SMOC1: variants seen among roughly 807,000 people sequenced by gnomAD.
The protein encoded by SMOC1 is SPARC related modular calcium binding 1.
Under a neutral mutation model 56.3 loss-of-function variants are expected in SMOC1, and 22 were observed. That is an observed-to-expected ratio of 0.39 (90% CI 0.28 to 0.56). The LOEUF (loss-of-function observed/expected upper bound fraction) is 0.56, where lower values mean the gene tolerates loss of function less well. SMOC1 is among the 20% of genes least tolerant of loss of function. SMOC1 has a pLI of 0.61. For missense variants in SMOC1, 509 were observed against 565.4 expected (o/e 0.90, Z 1.01); for synonymous variants, 193 against 215.0 (o/e 0.90, Z 0.89).
intron 11 of SMOC1, among the ~76,000 whole-genome samples, chr14:70,026,726 C>T (rs78455397): frequency 0.038 from 5,857 of 152,202 alleles, 137 homozygotes; most frequent in Non-Finnish European, 0.043. Flanking sequence ...GTGTCTGTGA[C>T]ATGTCTCTGA....
At chr14:69,916,946 C>G (rs1884701739) in intron 1 of SMOC1, among the ~76,000 whole-genome samples, 1 of 152,212 alleles carries the variant, frequency 6.6e-6, no homozygotes, top group African/African-American at 2.4e-5. Context: ...TTAGAACATG[C>G]TGGAAGCATG....
intron 7 of SMOC1, among the ~76,000 whole-genome samples, chr14:70,001,359 A>C (rs137951852): frequency 6.6e-6 from 1 of 152,296 alleles, no homozygotes; most frequent in East Asian, 1.9e-4. Context: ...TACAAGGAAC[A>C]TTTAAGGCAG....
chr14:70,012,794 G>A (rs2139591804), intron 9 of SMOC1, among the ~76,000 whole-genome samples: 1 of 152,276 alleles, frequency 6.6e-6, no homozygotes, highest in East Asian at 1.9e-4. Context: ...TGTTTTCCTG[G>A]AATAATACAA....
chr14:69,953,378 G>T, intron 2 of SMOC1, 42 bp from the exon 3 acceptor site: 1 of 1,591,744 alleles, frequency 6.3e-7, no homozygotes, highest in Non-Finnish European at 8.6e-7. Context: ...CCCCAGTGTC[G>T]AATCCAAGTG....
intron 9 of SMOC1, among the ~76,000 whole-genome samples, chr14:70,012,615 A>T (rs1158166293): frequency 6.6e-6 from 1 of 152,154 alleles, no homozygotes; most frequent in African/African-American, 2.4e-5. Context: ...TTCTATGTGG[A>T]GTTGCTTTGG....
intron 1 of SMOC1, among the ~76,000 whole-genome samples, chr14:69,937,336 C>T (rs145278290): frequency 2.6e-5 from 4 of 152,316 alleles, no homozygotes; most frequent in African/African-American, 7.2e-5. Flanking sequence ...AAAAGATCCT[C>T]GTAGTCAAAT....
intron 3 of SMOC1, among the ~76,000 whole-genome samples, chr14:69,972,297 GA>G (rs889853985): frequency 5.9e-5 from 9 of 152,114 alleles, no homozygotes; most frequent in African/African-American, 1.9e-4. Context: ...TCTCATTGTG[GA>G]ATCATGGGCT....
chr14:69,885,494 G>T, intron 1 of SMOC1: 4 of 1,600,078 alleles, frequency 2.5e-6, no homozygotes, highest in Non-Finnish European at 3.4e-6. Flanking sequence ...CACCAGCTTA[G>T]CCAAAGCGCC....
intron 1 of SMOC1, among the ~76,000 whole-genome samples, chr14:69,940,793 TC>T (rs35343549): frequency 0.16 from 23,838 of 151,896 alleles, 2,247 homozygotes; most frequent in African/African-American, 0.27. Flanking sequence ...AATATCTGGA[TC>T]CCTGGGTCCT....
At chr14:69,950,762 C>A (rs72727949) in intron 1 of SMOC1, among the ~76,000 whole-genome samples, 7,746 of 152,282 alleles carry the variant, frequency 0.051, 271 homozygotes, top group Admixed American at 0.073. Flanking sequence ...CAACTGTATT[C>A]TGTTGTTGTT....
intron 11 of SMOC1, among the ~76,000 whole-genome samples, chr14:70,028,330 G>A (rs1886006536): frequency 6.6e-6 from 1 of 152,130 alleles, no homozygotes; most frequent in South Asian, 2.1e-4. Flanking sequence ...ACTGCCTGGG[G>A]CTCAGCCTTC....
intron 7 of SMOC1, among the ~76,000 whole-genome samples, chr14:69,997,898 C>T (rs1171458291): frequency 6.6e-6 from 1 of 152,138 alleles, no homozygotes; most frequent in African/African-American, 2.4e-5. Context: ...CTCCGTGAAG[C>T]CCATCGGGGT....
chr14:69,896,954 AG>A (rs1884115092), intron 1 of SMOC1, among the ~76,000 whole-genome samples: 1 of 152,254 alleles, frequency 6.6e-6, no homozygotes, highest in Non-Finnish European at 1.5e-5. Context: ...GAGGAATCAT[AG>A]GAAGTCTGTG....
At chr14:69,971,357 T>G (rs1883757130) in intron 3 of SMOC1, among the ~76,000 whole-genome samples, 1 of 152,318 alleles carries the variant, frequency 6.6e-6, no homozygotes, top group Non-Finnish European at 1.5e-5. Context: ...AGTTGCAATA[T>G]AAGCAGAAGG....
chr14:70,017,963 G>C (rs920612439), intron 10 of SMOC1, among the ~76,000 whole-genome samples: 1 of 152,176 alleles, frequency 6.6e-6, no homozygotes, highest in Non-Finnish European at 1.5e-5. Flanking sequence ...TTCCAGCAGA[G>C]GGGACCATGT....
intron 1 of SMOC1, among the ~76,000 whole-genome samples, chr14:69,916,927 G>A (rs1884701291): frequency 1.3e-5 from 2 of 152,212 alleles, no homozygotes; most frequent in East Asian, 3.8e-4. Flanking sequence ...CTAGAACAGT[G>A]CCTGAGATTT....
intron 1 of SMOC1, among the ~76,000 whole-genome samples, chr14:69,911,150 A>G (rs1594797637): frequency 6.6e-6 from 1 of 152,244 alleles, no homozygotes; most frequent in Non-Finnish European, 1.5e-5. Flanking sequence ...AGTGCCAGTT[A>G]GTGGCTGGTG....
chr14:69,918,536 C>G (rs1353251761), intron 1 of SMOC1, among the ~76,000 whole-genome samples: 1 of 152,142 alleles, frequency 6.6e-6, no homozygotes, highest in African/African-American at 2.4e-5. Flanking sequence ...CTGATCCTGT[C>G]TATTTTGACC....
At position 69,942,356 on chromosome 14, in the gene SMOC1, T is replaced by G. The variant is rs547948665; in HGVS notation, c.100-9782T>G. 9.8e-5 allele frequency among the ~76,000 whole-genome samples: 15 copies of G among 152,352 alleles called. No individual in the cohort carries two copies. The East Asian group carries it at 2.9e-3, about 29-fold the overall frequency. On this transcript the variant is annotated intron_variant, in intron 1 of 11. Coordinates refer to ENST00000361956, the MANE Select transcript of SMOC1 (RefSeq NM_001034852.3). ...GCCTATGGGGGTGTCTGATGTGCCCTTCAAAGCAAACATTCTTTGGAATTT... is the reference window on the plus strand; with the variant it reads ...GCCTATGGGGGTGTCTGATGTGCCCGTCAAAGCAAACATTCTTTGGAATTT...
Sources: gnomAD v4.1 joint callset for allele counts (sites outside exome capture counted in the v4.1 genomes callset) on GRCh38, gnomAD v4.1.1 for gene constraint, MANE v1.5 for transcripts, NCBI Gene and HGNC (gene_info 2026-07-23, HGNC 2026-07-21) for gene names.